Variants in CWF19L1 observed in about 807,000 individuals in gnomAD.
CWF19L1 encodes CWF19-like protein 1.
CWF19L1 carries 60 observed loss-of-function variants against 69.7 expected under a neutral mutation model. The ratio of observed to expected loss-of-function variants is 0.86; its 90% confidence interval spans 0.70 to 1.07. CWF19L1 has a LOEUF of 1.07. Among genes scored for constraint, CWF19L1 ranks in the 50% least tolerant of loss-of-function variants. The pLI is 0.00. For synonymous variants in CWF19L1, 209 were observed against 222.2 expected (o/e 0.94, Z 0.53); for missense variants, 591 against 638.9 (o/e 0.92, Z 0.81).
At chr10:100,266,345 A>T (rs887143801) in intron 1 of CWF19L1, among the ~76,000 whole-genome samples, 1 of 143,792 alleles carries the variant, frequency 7.0e-6, no homozygotes, top group Non-Finnish European at 1.5e-5. Flanking sequence ...CGCCCGGCTA[A>T]TTTTTTTTTT....
intron 9 of CWF19L1, among the ~76,000 whole-genome samples, chr10:100,244,203 A>G (rs777730534): frequency 2.0e-5 from 3 of 152,238 alleles, no homozygotes; most frequent in Non-Finnish European, 4.4e-5. Context: ...AAACACTCTT[A>G]AAGTCCTTCC....
chr10:100,236,957 G>T lies in CWF19L1; in HGVS notation c.1267C>A (p.Pro423Thr). The change falls in exon 12 of 14, where the codon CCA (proline) becomes ACA (threonine). Residue 423 changes from proline to threonine, a missense_variant. Coordinates refer to ENST00000354105, the MANE Select transcript of CWF19L1 (RefSeq NM_018294.6). ...TCATCAGTAGTAGAGCAGCTGATTG[G>T]GACAGGAATGACCTGGGGGTTGGGG... ...HHLQLQVIPV[P>T]ISCSTTDDIK... The T allele has an allele frequency of 1.3e-6, 2 of 1,594,734 alleles. No individual in the cohort carries two copies. Among genetic ancestry groups the T allele is most frequent in the South Asian group, 1.1e-5 (1 of 88,160 alleles).
chr10:100,248,482 G>GT (rs1846906820), intron 7 of CWF19L1: 1 of 678,302 alleles, frequency 1.5e-6, no homozygotes, highest in Non-Finnish European at 2.7e-6. Flanking sequence ...TCTTGACCAT[G>GT]TAATGTGCCA....
At chr10:100,238,924 T>G (rs1406681314) in intron 10 of CWF19L1, among the ~76,000 whole-genome samples, 1 of 105,538 alleles carries the variant, frequency 9.5e-6, no homozygotes, top group Non-Finnish European at 1.8e-5. Context: ...AGAGCGAGAC[T>G]CCGTCTCCAA....
intron 5 of CWF19L1, chr10:100,254,573 T>G (rs1276796050): frequency 6.6e-6 from 1 of 152,204 alleles, no homozygotes; most frequent in Non-Finnish European, 1.5e-5. Context: ...TTTTGTCTTA[T>G]GCTTGTTTCC....
At position 100,252,829 on chromosome 10, in the gene CWF19L1, C is replaced by T. The variant is rs541981707; in HGVS notation, c.623+592G>A. Among the ~76,000 whole-genome samples the T allele has an allele frequency of 3.4e-3, 505 of 148,100 alleles. 1 individual carries two copies. The highest frequency in any genetic ancestry group is 5.3e-3 in the Non-Finnish European group (354 of 67,278). ...CCAGCCAGGTGACAGAGCGAGACTCCGTCTCAAAAAAAAAAAAAAGACAAA... is the reference window on the plus strand; with the variant it reads ...CCAGCCAGGTGACAGAGCGAGACTCTGTCTCAAAAAAAAAAAAAAGACAAA... On this transcript the variant is annotated intron_variant, in intron 6 of 13. Coordinates refer to ENST00000354105, the MANE Select transcript of CWF19L1 (RefSeq NM_018294.6).
intron 4 of CWF19L1, 97 bp from the exon 5 acceptor site, chr10:100,256,573 G>A: frequency 1.1e-6 from 1 of 916,256 alleles, no homozygotes; most frequent in Non-Finnish European, 1.7e-6. Flanking sequence ...CTATGTCCCT[G>A]CCATTTTACA....
At chr10:100,257,947 A>C (rs1847269337) in intron 4 of CWF19L1, among the ~76,000 whole-genome samples, 1 of 152,170 alleles carries the variant, frequency 6.6e-6, no homozygotes, top group Non-Finnish European at 1.5e-5. Context: ...TACTCTAGAA[A>C]GAACTCTCGG....
chr10:100,239,057 T>G (rs779397863), intron 10 of CWF19L1, among the ~76,000 whole-genome samples: 11 of 134,806 alleles, frequency 8.2e-5, no homozygotes, highest in Non-Finnish European at 1.7e-4. Context: ...TAGCATCTAA[T>G]GTTCCTAAGC....
chr10:100,256,721 A>G (rs1245165308), intron 4 of CWF19L1, among the ~76,000 whole-genome samples: 1 of 152,248 alleles, frequency 6.6e-6, no homozygotes, highest in Non-Finnish European at 1.5e-5. Flanking sequence ...CAGTATGTTT[A>G]TGCCAGGTGC....
At chr10:100,234,958 C>T (rs1360165816) in intron 13 of CWF19L1, among the ~76,000 whole-genome samples, 1 of 152,186 alleles carries the variant, frequency 6.6e-6, no homozygotes, top group Non-Finnish European at 1.5e-5. Flanking sequence ...CACTGTGTGA[C>T]TAGGACAAGC....
chr10:100,252,794 C>A (rs1413713697), intron 6 of CWF19L1, among the ~76,000 whole-genome samples: 1 of 151,458 alleles, frequency 6.6e-6, no homozygotes, highest in East Asian at 1.9e-4. Flanking sequence ...CGAGATCATG[C>A]CACTGCACTC....
chr10:100,262,464 C>T, intron 1 of CWF19L1: 1 of 985,372 alleles, frequency 1.0e-6, no homozygotes, highest in Non-Finnish European at 1.2e-6. Flanking sequence ...TACGACTCCT[C>T]CTATCTTAGT....
Position 100,267,614 on chromosome 10 carries a change from G to A in CWF19L1, c.-21C>T, listed in dbSNP as rs1313896451. On this transcript the variant is annotated 5_prime_UTR_variant, in exon 1 of 14. Transcript: ENST00000354105. ...GCCATCTGTCCGAATAGTATGGGTT[G>A]CGACTGCCACCTAAAATTGGGAATG... is the stretch of plus-strand genomic sequence containing the variant. 1 of 1,614,172 alleles carries A rather than the reference G, an allele frequency of 6.2e-7. No homozygotes were observed. The highest frequency in any genetic ancestry group is 2.2e-5 in the East Asian group (1 of 44,886).
chr10:100,240,468 G>A (rs114944917), intron 10 of CWF19L1, among the ~76,000 whole-genome samples: 1,679 of 152,300 alleles, frequency 0.011, 19 homozygotes, highest in African/African-American at 0.038. Context: ...GGACAGTGTA[G>A]ACTCTAGGCT....
At chr10:100,267,016 T>G (rs1443416245) in intron 1 of CWF19L1, among the ~76,000 whole-genome samples, 1 of 151,808 alleles carries the variant, frequency 6.6e-6, no homozygotes, top group African/African-American at 2.4e-5. Context: ...TCCTCTAGAC[T>G]CTACGCTCCA....
At chr10:100,238,566 T>C (rs1341828628) in intron 10 of CWF19L1, among the ~76,000 whole-genome samples, 2 of 152,122 alleles carry the variant, frequency 1.3e-5, no homozygotes, top group African/African-American at 4.8e-5. Flanking sequence ...CCTCCCATGC[T>C]CCAAACTTGA....
chr10:100,251,726 T>C (rs190887071), intron 6 of CWF19L1, among the ~76,000 whole-genome samples: 1 of 152,228 alleles, frequency 6.6e-6, no homozygotes, highest in Non-Finnish European at 1.5e-5. Context: ...TTGGCCAGGA[T>C]GGTCTCGATC....
chr10:100,233,955 G>A (rs12762869), intron 13 of CWF19L1: 11,410 of 152,216 alleles, frequency 0.075, 578 homozygotes, highest in African/African-American at 0.14. Flanking sequence ...CCTTCTAGGG[G>A]ACTCAGGCCC....
Sources: gnomAD v4.1 joint callset for allele counts (sites outside exome capture counted in the v4.1 genomes callset) on GRCh38, gnomAD v4.1.1 for gene constraint, MANE v1.5 for transcripts, NCBI Gene and HGNC (gene_info 2026-07-23, HGNC 2026-07-21) for gene names.